NAALADL2: variants seen among roughly 807,000 people sequenced by gnomAD.
The protein encoded by NAALADL2 is inactive N-acetylated-alpha-linked acidic dipeptidase-like protein 2.
A neutral mutation model predicts 87.2 loss-of-function variants in NAALADL2; 76 were observed. The ratio of observed to expected loss-of-function variants is 0.87; its 90% CI spans 0.72 to 1.05. The LOEUF is 1.05. Among genes scored for constraint, NAALADL2 ranks in the 50% least tolerant of loss-of-function variants. The probability of loss-of-function intolerance (pLI) is 0.00; values close to 1 mark genes in which losing one functional copy is unlikely to be tolerated. For synonymous variants in NAALADL2, 354 were observed against 331.0 expected (o/e 1.07, Z -0.75); for missense variants, 1,089 against 945.8 (o/e 1.15, Z -1.99).
intron 2 of NAALADL2, among the ~76,000 whole-genome samples, chr3:175,125,585 A>T (rs1335714009): frequency 6.6e-6 from 1 of 152,058 alleles, no homozygotes; most frequent in African/African-American, 2.4e-5. Context: ...AAAATAATTG[A>T]TATAAGAATA....
intron 9 of NAALADL2, among the ~76,000 whole-genome samples, chr3:175,563,759 G>A (rs1321151081): frequency 6.6e-6 from 1 of 152,124 alleles, no homozygotes; most frequent in African/African-American, 2.4e-5. Context: ...AGACTCCTTG[G>A]TACAGTCCGA....
intron 1 of NAALADL2, among the ~76,000 whole-genome samples, chr3:174,905,781 C>T (rs563503472): frequency 2.6e-5 from 4 of 151,966 alleles, no homozygotes; most frequent in East Asian, 1.9e-4. Context: ...AAGGGGCAAC[C>T]GACTTCTGAG....
chr3:175,383,391 A>G (rs1162097534), intron 5 of NAALADL2, among the ~76,000 whole-genome samples: 2 of 151,024 alleles, frequency 1.3e-5, no homozygotes, highest in Admixed American at 6.6e-5. Flanking sequence ...GCTAATTAAT[A>G]TATCCCTCAC....
intron 10 of NAALADL2, among the ~76,000 whole-genome samples, chr3:175,618,022 C>T (rs910386643): frequency 6.6e-6 from 1 of 152,184 alleles, no homozygotes; most frequent in Non-Finnish European, 1.5e-5. Context: ...CCTTCCTTGG[C>T]ACTATATGAG....
chr3:175,075,025 G>A (rs1455271555), intron 1 of NAALADL2, among the ~76,000 whole-genome samples: 2 of 152,088 alleles, frequency 1.3e-5, no homozygotes, highest in South Asian at 2.1e-4. Flanking sequence ...AACAATGGAC[G>A]AGACAGGGAC....
intron 2 of NAALADL2, among the ~76,000 whole-genome samples, chr3:175,232,853 A>G (rs1745189471): frequency 6.6e-6 from 1 of 151,876 alleles, no homozygotes; most frequent in Admixed American, 6.6e-5. Flanking sequence ...CCAAAAGGAA[A>G]TTTTTCTTTT....
chr3:175,135,469 AC>A, intron 2 of NAALADL2, among the ~76,000 whole-genome samples: 1 of 152,186 alleles, frequency 6.6e-6, no homozygotes, highest in East Asian at 1.9e-4. Context: ...TGTGTAAATA[AC>A]CAACACTATA....
chr3:175,659,579 G>A (rs1266336758), intron 11 of NAALADL2, among the ~76,000 whole-genome samples: 3 of 152,104 alleles, frequency 2.0e-5, no homozygotes, highest in Non-Finnish European at 2.9e-5. Context: ...AGTAGGTCTT[G>A]ATGATAAGTT....
chr3:175,078,051 A>G (rs763296682), intron 1 of NAALADL2, among the ~76,000 whole-genome samples: 3 of 149,762 alleles, frequency 2.0e-5, no homozygotes, highest in Non-Finnish European at 3.0e-5. Flanking sequence ...TCTTGAGACA[A>G]TCTCACTCCG....
At chr3:174,724,031 A>G (rs1474239313) in intron 2 of NAALADL2, among the ~76,000 whole-genome samples, 3 of 152,032 alleles carry the variant, frequency 2.0e-5, no homozygotes, top group Non-Finnish European at 4.4e-5. Flanking sequence ...TGGGATTCCT[A>G]TTTGGAGATG....
chr3:175,475,385 T>C (rs1267867647), intron 9 of NAALADL2, among the ~76,000 whole-genome samples: 1 of 152,180 alleles, frequency 6.6e-6, no homozygotes, highest in Non-Finnish European at 1.5e-5. Flanking sequence ...CAAACACATA[T>C]GCACCTCTCC....
At position 175,711,597 on chromosome 3, in the gene NAALADL2, A is replaced by C. The variant is rs994985095; in HGVS notation, c.1897-25709A>C. ...ACCCTCAGAAATTAGTGTGCATCTC[A>C]TATGTGAAGAAGAGTTTACTCAAAT... On this transcript the variant is annotated intron_variant, in intron 11 of 13. Transcript: ENST00000454872. 2.0e-5 allele frequency among the ~76,000 whole-genome samples: 3 copies of C among 151,984 alleles called. No homozygotes were observed. The East Asian group carries it at 5.8e-4, about 29-fold the overall frequency.
Position 174,783,599 on chromosome 3 carries a change from A to G in NAALADL2, c.-9+45853A>G, listed in dbSNP as rs1007518347. On this transcript the variant is annotated intron_variant, in intron 3 of 3. Coordinates refer to the NAALADL2 transcript ENST00000434257. ...TTTAGCCCATAGACCTGATTCTTCA[A>G]TTCTCCACAAGGCTTTAATATATAT... 3.3e-5 allele frequency among the ~76,000 whole-genome samples: 5 copies of G among 152,136 alleles called. No individual in the cohort carries two copies. The East Asian group carries it at 7.7e-4, about 23-fold the overall frequency.
chr3:174,886,406 C>T (rs1398639476), intron 1 of NAALADL2, among the ~76,000 whole-genome samples: 1 of 152,100 alleles, frequency 6.6e-6, no homozygotes, highest in Non-Finnish European at 1.5e-5. Context: ...CTGCCTTTCC[C>T]AGCCCACTGA....
intron 2 of NAALADL2, among the ~76,000 whole-genome samples, chr3:175,228,770 G>A (rs1702758941): frequency 1.3e-5 from 2 of 151,760 alleles, no homozygotes; most frequent in African/African-American, 4.8e-5. Flanking sequence ...AGAGTAGATC[G>A]AGAAGGAAGG....
intron 13 of NAALADL2, among the ~76,000 whole-genome samples, chr3:175,800,009 G>A (rs1170005414): frequency 6.6e-6 from 1 of 152,272 alleles, no homozygotes; most frequent in Middle Eastern, 3.4e-3. Flanking sequence ...ACTGGATGAT[G>A]AATCAATTTT....
chr3:174,518,827 C>T (rs572558178), intron 1 of NAALADL2, among the ~76,000 whole-genome samples: 3 of 152,274 alleles, frequency 2.0e-5, no homozygotes, highest in Non-Finnish European at 4.4e-5. Flanking sequence ...ACATGGTTAT[C>T]TCAGTTGCCC....
At chr3:175,217,848 T>C (rs1560179533) in intron 2 of NAALADL2, among the ~76,000 whole-genome samples, 2 of 152,182 alleles carry the variant, frequency 1.3e-5, no homozygotes, top group South Asian at 2.1e-4. Context: ...TTGTCTTCAT[T>C]GGGGTTTGTG....
intron 1 of NAALADL2, among the ~76,000 whole-genome samples, chr3:174,964,762 G>T (rs192567775): frequency 6.6e-6 from 1 of 151,976 alleles, no homozygotes; most frequent in Admixed American, 6.6e-5. Context: ...AGTAGTAATA[G>T]TAATTTTAAT....
Sources: gnomAD v4.1 joint callset for allele counts (sites outside exome capture counted in the v4.1 genomes callset) on GRCh38, gnomAD v4.1.1 for gene constraint, MANE v1.5 for transcripts, NCBI Gene and HGNC (gene_info 2026-07-23, HGNC 2026-07-21) for gene names.